RFX3: variants seen among roughly 807,000 people sequenced by gnomAD.
The protein encoded by RFX3 is transcription factor RFX3.
RFX3 carries 14 observed loss-of-function variants against 98.6 expected under a neutral mutation model. That is an observed-to-expected ratio of 0.14 (90% CI 0.09 to 0.22). The LOEUF (loss-of-function observed/expected upper bound fraction) is 0.22, where lower values mean the gene tolerates loss of function less well. RFX3 is among the 10% of genes least tolerant of loss of function. The probability of loss-of-function intolerance (pLI) is 1.00; values close to 1 mark genes in which losing one functional copy is unlikely to be tolerated. For missense variants in RFX3, 639 were observed against 926.9 expected (o/e 0.69, Z 4.03); for synonymous variants, 383 against 328.4 (o/e 1.17, Z -1.80).
chr9:3,298,341 G>GTTCACATATATA lies in RFX3; in HGVS notation c.549+3193_549+3204dup, dbSNP rs551457056. 2.4e-4 allele frequency among the ~76,000 whole-genome samples: 36 copies of GTTCACATATATA among 151,832 alleles called. No homozygotes were observed. The East Asian group carries it at 6.6e-3, about 28-fold the overall frequency. On this transcript the variant is annotated intron_variant, in intron 5 of 16. Coordinates refer to ENST00000617270, the MANE Select transcript of RFX3 (RefSeq NM_001282116.2). ...AAGAAGACCACCCTTTACCAACGAT[G>GTTCACATATATA]TTCACATATATATCTACTTGAAGCA...
intron 2 of RFX3, among the ~76,000 whole-genome samples, chr9:3,350,009 T>A (rs1310439336): frequency 2.0e-5 from 3 of 152,090 alleles, no homozygotes; most frequent in Admixed American, 2.0e-4. Context: ...TTGAGAAAGA[T>A]TGATAATCCT....
chr9:3,261,686 C>T (rs146451055), intron 13 of RFX3, among the ~76,000 whole-genome samples: 7 of 152,060 alleles, frequency 4.6e-5, no homozygotes, highest in East Asian at 1.9e-4. Flanking sequence ...CTGAGTCATA[C>T]GGTAACTATA....
intron 1 of RFX3, among the ~76,000 whole-genome samples, chr9:3,402,965 A>C (rs1037940472): frequency 1.3e-5 from 2 of 152,024 alleles, no homozygotes; most frequent in Admixed American, 6.6e-5. Flanking sequence ...AAGACGATGT[A>C]CAATGATGGG....
chr9:3,466,252 G>C lies in RFX3; in HGVS notation c.-9+59495C>G, dbSNP rs985294576. On this transcript the variant is annotated intron_variant, in intron 1 of 16. Coordinates refer to ENST00000617270, the MANE Select transcript of RFX3 (RefSeq NM_001282116.2). ...AATAGAAAAACAGAGACTCAGGAAG[G>C]TATACATATATGCTTAAGGTCATAT... Among the ~76,000 whole-genome samples, 15 of 152,046 alleles carry C rather than the reference G, an allele frequency of 9.9e-5. 1 individual carries two copies. The highest frequency in any genetic ancestry group is 2.2e-4 in the Non-Finnish European group (15 of 67,990).
chr9:3,441,505 G>A (rs960718854), intron 1 of RFX3, among the ~76,000 whole-genome samples: 1 of 152,040 alleles, frequency 6.6e-6, no homozygotes, highest in Non-Finnish European at 1.5e-5. Flanking sequence ...TGATTCTGGC[G>A]CTGGGGCATA....
At chr9:3,285,997 G>C (rs1189055163) in intron 7 of RFX3, among the ~76,000 whole-genome samples, 1 of 151,794 alleles carries the variant, frequency 6.6e-6, no homozygotes, top group South Asian at 2.1e-4. Context: ...TTCTATGAAA[G>C]CTTGCTAGAA....
At chr9:3,489,774 T>G (rs562704172) in intron 1 of RFX3, among the ~76,000 whole-genome samples, 1 of 152,152 alleles carries the variant, frequency 6.6e-6, no homozygotes, top group Non-Finnish European at 1.5e-5. Flanking sequence ...GACTAACCTA[T>G]GAGTCTCATA....
chr9:3,236,605 G>A (rs1362547917), intron 15 of RFX3, among the ~76,000 whole-genome samples: 1 of 152,146 alleles, frequency 6.6e-6, no homozygotes, highest in Non-Finnish European at 1.5e-5. Context: ...TGCAGAGGTG[G>A]GCAGTCAGAG....
intron 1 of RFX3, among the ~76,000 whole-genome samples, chr9:3,510,211 A>G (rs1817534298): frequency 6.6e-6 from 1 of 151,960 alleles, no homozygotes; most frequent in Non-Finnish European, 1.5e-5. Context: ...GAAAGGCTGA[A>G]GTTGGCCACT....
chr9:3,395,698 C>A, intron 1 of RFX3, 102 bp from the exon 2 acceptor site: 1 of 1,167,116 alleles, frequency 8.6e-7, no homozygotes. Context: ...TAACTTTCAA[C>A]TCTCATACCT....
chr9:3,455,904 G>A (rs1847106329), intron 1 of RFX3, among the ~76,000 whole-genome samples: 1 of 152,176 alleles, frequency 6.6e-6, no homozygotes, highest in Non-Finnish European at 1.5e-5. Context: ...TTGTGTTTTA[G>A]TTTGTGCTGA....
chr9:3,293,461 T>C (rs1827631404), intron 5 of RFX3, among the ~76,000 whole-genome samples: 2 of 152,154 alleles, frequency 1.3e-5, no homozygotes, highest in Non-Finnish European at 2.9e-5. Context: ...TCACTAAGGA[T>C]CTCAGACAAT....
chr9:3,261,798 G>A (rs1376089524), intron 13 of RFX3, among the ~76,000 whole-genome samples: 2 of 151,954 alleles, frequency 1.3e-5, no homozygotes, highest in Admixed American at 6.6e-5. Flanking sequence ...TCACATCCTC[G>A]CCAATAGGGT....
At chr9:3,488,961 T>A in intron 1 of RFX3, 11 of 800,130 alleles carry the variant, frequency 1.4e-5, no homozygotes, top group Non-Finnish European at 1.7e-5. Context: ...GACTGATGGA[T>A]TCTATTTCAT....
chr9:3,488,339 G>C (rs1035847808), intron 1 of RFX3, among the ~76,000 whole-genome samples: 1 of 152,024 alleles, frequency 6.6e-6, no homozygotes. Flanking sequence ...AAGTTTGTAA[G>C]TACTTTTAAT....
chr9:3,357,058 A>G (rs1159105321), intron 2 of RFX3, among the ~76,000 whole-genome samples: 1 of 151,824 alleles, frequency 6.6e-6, no homozygotes, highest in African/African-American at 2.4e-5. Context: ...AAAAAAATAC[A>G]AATATTATAT....
Position 3,508,237 on chromosome 9 carries a change from A to G in RFX3, c.-9+17510T>C, listed in dbSNP as rs1817304528. On this transcript the variant is annotated intron_variant, in intron 1 of 16. Coordinates refer to ENST00000617270, the MANE Select transcript of RFX3 (RefSeq NM_001282116.2). ...TCTCTGCACATCCAACAAATACAGC[A>G]GTCTAGTATTTAGTTACTCTGGTAA... Among the ~76,000 whole-genome samples the G allele has an allele frequency of 1.3e-5, 2 of 151,992 alleles. 1 individual carries two copies. The highest frequency in any genetic ancestry group is 2.9e-5 in the Non-Finnish European group (2 of 67,890).
intron 15 of RFX3, among the ~76,000 whole-genome samples, chr9:3,244,285 T>C (rs2130903752): frequency 6.6e-6 from 1 of 152,166 alleles, no homozygotes; most frequent in South Asian, 2.1e-4. Flanking sequence ...GGATTACAGG[T>C]GTGAGCCACC....
Position 3,515,267 on chromosome 9 carries a change from GAT to G in RFX3, c.-9+10478_-9+10479del, listed in dbSNP as rs769738373. Among the ~76,000 whole-genome samples, 14 of 152,140 alleles carry G rather than the reference GAT, an allele frequency of 9.2e-5. No homozygotes were observed. In the East Asian group the frequency reaches 2.7e-3, roughly 29 times the overall value. ...AAATTCAGGTTCCTTAAAAAAGAAA[GAT>G]ATTATTTTCCATCTACTAATATACT... On this transcript the variant is annotated intron_variant, in intron 1 of 16. Coordinates refer to ENST00000617270, the MANE Select transcript of RFX3 (RefSeq NM_001282116.2).
Sources: gnomAD v4.1 joint callset for allele counts (sites outside exome capture counted in the v4.1 genomes callset) on GRCh38, gnomAD v4.1.1 for gene constraint, MANE v1.5 for transcripts, NCBI Gene and HGNC (gene_info 2026-07-23, HGNC 2026-07-21) for gene names.